The following EPHA3 variants were observed in gnomAD, a reference collection of about 807,000 sequenced individuals.
The protein encoded by EPHA3 is ephrin type-A receptor 3.
In EPHA3, 42 loss-of-function variants were observed where a neutral mutation model predicts 107.1. The ratio of observed to expected loss-of-function variants is 0.39; its 90% CI spans 0.31 to 0.51. The LOEUF is 0.51. Ranked by LOEUF, EPHA3 falls within the 20% of genes least tolerant of loss-of-function variation. The pLI is 0.78. For missense variants in EPHA3, 1,183 were observed against 1,211.2 expected (o/e 0.98, Z 0.35); for synonymous variants, 461 against 424.8 (o/e 1.09, Z -1.05).
chr3:89,413,171 A>G lies in EPHA3; in HGVS notation c.1793A>G (p.Asp598Gly), dbSNP rs763618226. 3 of 1,611,590 alleles carry G rather than the reference A, an allele frequency of 1.9e-6. No homozygotes were observed. The highest frequency in any genetic ancestry group is 2.5e-6 in the Non-Finnish European group (3 of 1,178,304). Residue 598 changes from aspartate (D) to glycine (G), a missense_variant, in exon 10 of 17, where the codon GAC becomes GGC. Coordinates refer to ENST00000336596, the MANE Select transcript of EPHA3 (RefSeq NM_005233.6). ...LKLPGLRTYV[D>G]PHTYEDPTQA... ...CTTCCAGGTCTCAGGACTTATGTTG[A>G]CCCACATACATATGAAGACCCTACC...
chr3:89,369,843 A>G lies in EPHA3; in HGVS notation c.1307-25994A>G, dbSNP rs552560746. On this transcript the variant is annotated intron_variant, in intron 5 of 16. Coordinates refer to ENST00000336596, the MANE Select transcript of EPHA3 (RefSeq NM_005233.6). ...CAAACAACCCCATCAAAAAGTGGGA[A>G]AAGGACATGAACAGACACTTCTCAA... 2.8e-3 allele frequency among the ~76,000 whole-genome samples: 417 copies of G among 150,216 alleles called. 1 individual carries two copies. The highest frequency in any genetic ancestry group is 8.4e-3 in the South Asian group (40 of 4,754).
chr3:89,399,627 G>A, intron 7 of EPHA3, 147 bp downstream of exon 7: 1 of 1,388,272 alleles, frequency 7.2e-7, no homozygotes, highest in Non-Finnish European at 9.4e-7. Context: ...GCAGAGCCCT[G>A]TGTCTGTATA....
chr3:89,390,597 T>C, intron 5 of EPHA3, among the ~76,000 whole-genome samples: 1 of 104,230 alleles, frequency 9.6e-6, no homozygotes. Flanking sequence ...GAGACTCCGT[T>C]TCCAAAAAAA....
intron 5 of EPHA3, among the ~76,000 whole-genome samples, chr3:89,357,106 C>CAAAAAAAAAAA (rs56717904): frequency 5.6e-4 from 9 of 15,998 alleles, no homozygotes; most frequent in African/African-American, 1.9e-3. Flanking sequence ...GACCCTGTCT[C>CAAAAAAAAAAA]AAAAAAAAAA....
chr3:89,182,529 A>T (rs1034868455), intron 2 of EPHA3, among the ~76,000 whole-genome samples: 4 of 151,998 alleles, frequency 2.6e-5, no homozygotes, highest in Non-Finnish European at 4.4e-5. Context: ...TGGAGAATTT[A>T]CAAAAGGTAT....
chr3:89,147,439 A>G (rs1704587417), intron 2 of EPHA3, among the ~76,000 whole-genome samples: 1 of 151,950 alleles, frequency 6.6e-6, no homozygotes, highest in South Asian at 2.1e-4. Flanking sequence ...GTAAGAATAA[A>G]TCTTCTATCC....
chr3:89,160,020 G>T (rs1035825578), intron 2 of EPHA3, among the ~76,000 whole-genome samples: 1 of 151,086 alleles, frequency 6.6e-6, no homozygotes, highest in Non-Finnish European at 1.5e-5. Flanking sequence ...ACTAGATTTG[G>T]AAATATGACT....
chr3:89,142,633 T>C (rs1165194089), intron 2 of EPHA3, among the ~76,000 whole-genome samples: 1 of 151,536 alleles, frequency 6.6e-6, no homozygotes, highest in Non-Finnish European at 1.5e-5. Flanking sequence ...CCTCAGGAAA[T>C]AGACACTTTT....
In EPHA3 at chr3:89,479,703, AT is replaced by A. The variant is rs1213288357; in HGVS notation, c.*208del. ...CATTTATTGGATGGGTGGGTGGGGT[AT>A]TTTTTTGTAATTGCTTTTTTAAATA... On this transcript the variant is annotated 3_prime_UTR_variant, in exon 17 of 17. Coordinates refer to ENST00000336596, the MANE Select transcript of EPHA3 (RefSeq NM_005233.6). The A allele has an allele frequency of 1.0e-5, 5 of 489,334 alleles. No homozygotes were observed. The highest frequency in any genetic ancestry group is 3.9e-5 in the South Asian group (1 of 25,632). The allele number at this position is 489,334 out of a possible 1,614,324, so 30.3% of individuals were successfully genotyped here.
chr3:89,153,978 G>A (rs1704740600), intron 2 of EPHA3, among the ~76,000 whole-genome samples: 1 of 152,004 alleles, frequency 6.6e-6, no homozygotes, highest in Non-Finnish European at 1.5e-5. Flanking sequence ...TTATCTCTGA[G>A]CTTCAGCACT....
chr3:89,365,463 C>T (rs1435798750), intron 5 of EPHA3, among the ~76,000 whole-genome samples: 1 of 150,558 alleles, frequency 6.6e-6, no homozygotes, highest in Non-Finnish European at 1.5e-5. Context: ...GGGCTACAGG[C>T]ATAAGAGCAG....
chr3:89,370,262 G>T (rs190160427), intron 5 of EPHA3, among the ~76,000 whole-genome samples: 1 of 151,492 alleles, frequency 6.6e-6, no homozygotes, highest in African/African-American at 2.4e-5. Context: ...CAACCCAAAT[G>T]TCCAACAATG....
rs1317973431 is a variant in EPHA3 at position 89,210,247 on chromosome 3, T to G, written c.541T>G (p.Leu181Val). The G allele has an allele frequency of 6.2e-7, 1 of 1,614,034 alleles. No homozygotes were observed. Among genetic ancestry groups the G allele is most frequent in the Non-Finnish European group, 8.5e-7 (1 of 1,179,932 alleles). Reference protein sequence around the residue: ...VGPVNKKGFYLAFQDVGACVA... With the variant: ...VGPVNKKGFYVAFQDVGACVA... Reference sequence around the variant, plus strand: ...TCCTGTCAACAAGAAGGGATTTTATTTGGCATTTCAAGATGTTGGTGCTTG... The same window carrying G: ...TCCTGTCAACAAGAAGGGATTTTATGTGGCATTTCAAGATGTTGGTGCTTG... The change falls in exon 3 of 17, where the codon TTG (leucine) becomes GTG (valine). Residue 181 changes from leucine (L) to valine (V), a missense_variant. Leu to Val is a conservative substitution (Grantham distance 32, BLOSUM62 1). Transcript: ENST00000336596.
intron 2 of EPHA3, among the ~76,000 whole-genome samples, chr3:89,180,341 A>G (rs188656810): frequency 2.0e-5 from 3 of 152,068 alleles, no homozygotes; most frequent in Admixed American, 2.0e-4. Context: ...CTATACCATA[A>G]ACAGAGTCAG....
At chr3:89,262,637 G>T (rs373369856) in intron 3 of EPHA3, among the ~76,000 whole-genome samples, 2 of 152,196 alleles carry the variant, frequency 1.3e-5, no homozygotes, top group Non-Finnish European at 2.9e-5. Flanking sequence ...CGACCCGGTC[G>T]CATGATGCGT....
At chr3:89,208,423 GAAGA>G (rs745313705) in intron 2 of EPHA3, among the ~76,000 whole-genome samples, 1,549 of 37,384 alleles carry the variant, frequency 0.041, 85 homozygotes, top group Non-Finnish European at 0.049. Flanking sequence ...AGGAAGGAAG[GAAGA>G]AAGAAAGAAA....
At chr3:89,121,564 C>T (rs1448036582) in intron 1 of EPHA3, among the ~76,000 whole-genome samples, 1 of 152,094 alleles carries the variant, frequency 6.6e-6, no homozygotes, top group Non-Finnish European at 1.5e-5. Context: ...CGAGACAATC[C>T]TGGCCAACAT....
At chr3:89,245,160 C>T (rs1475172876) in intron 3 of EPHA3, among the ~76,000 whole-genome samples, 1 of 152,120 alleles carries the variant, frequency 6.6e-6, no homozygotes, top group Non-Finnish European at 1.5e-5. Flanking sequence ...TTAGTACATA[C>T]ATGGTCTTTT....
chr3:89,342,445 G>A (rs544847069), intron 5 of EPHA3, among the ~76,000 whole-genome samples: 59 of 152,178 alleles, frequency 3.9e-4, no homozygotes, highest in African/African-American at 1.4e-3. Context: ...TGCAGGATAT[G>A]AAAAATTGTA....
Sources: gnomAD v4.1 joint callset for allele counts (sites outside exome capture counted in the v4.1 genomes callset) on GRCh38, gnomAD v4.1.1 for gene constraint, MANE v1.5 for transcripts, NCBI Gene and HGNC (gene_info 2026-07-23, HGNC 2026-07-21) for gene names.